The following LARGE1 variants were observed in gnomAD, a reference collection of about 807,000 sequenced individuals.
LARGE1 encodes LARGE xylosyl- and glucuronyltransferase 1, also known as xylosyl- and glucuronyltransferase LARGE1.
A neutral mutation model predicts 87.6 loss-of-function variants in LARGE1; 43 were observed. The ratio of observed to expected loss-of-function variants is 0.49; its 90% CI spans 0.38 to 0.63. The LOEUF is 0.63. Among genes scored for constraint, LARGE1 ranks in the 30% least tolerant of loss-of-function variants. The pLI, the probability that LARGE1 is intolerant of heterozygous loss-of-function variation, is 0.00. For synonymous variants in LARGE1, 434 were observed against 394.6 expected, an observed-to-expected ratio of 1.10 and a Z score of -1.18; for missense variants, 802 against 1,000.2, an observed-to-expected ratio of 0.80 and a Z score of 2.67.
chr22:33,466,313 CTT>C (rs1392379243), intron 6 of LARGE1, among the ~76,000 whole-genome samples: 1 of 151,968 alleles, frequency 6.6e-6, no homozygotes, highest in Non-Finnish European at 1.5e-5. Flanking sequence ...CTTGTTCTCT[CTT>C]TCTTTGTTGC....
intron 3 of LARGE1, among the ~76,000 whole-genome samples, chr22:33,643,901 G>A (rs1242269563): frequency 6.6e-6 from 1 of 152,146 alleles, no homozygotes; most frequent in Admixed American, 6.5e-5. Flanking sequence ...AACAAGTTCT[G>A]AAATTGAGGC....
At chr22:33,687,686 G>A (rs1244200206) in intron 2 of LARGE1, among the ~76,000 whole-genome samples, 4 of 152,122 alleles carry the variant, frequency 2.6e-5, no homozygotes, top group Non-Finnish European at 5.9e-5. Flanking sequence ...GGGAAAGTGT[G>A]GAGAGATGGG....
chr22:33,815,950 C>G (rs1164793522), intron 1 of LARGE1, among the ~76,000 whole-genome samples: 1 of 152,178 alleles, frequency 6.6e-6, no homozygotes, highest in Non-Finnish European at 1.5e-5. Context: ...AGACTATCAA[C>G]TGTTCATCAC....
intron 6 of LARGE1, among the ~76,000 whole-genome samples, chr22:33,533,740 C>T (rs879730646): frequency 4.6e-5 from 7 of 152,152 alleles, no homozygotes; most frequent in Admixed American, 3.9e-4. Flanking sequence ...ATTTTTGACC[C>T]ATTTTTAAAA....
chr22:33,735,567 G>A (rs1427438355), intron 2 of LARGE1, among the ~76,000 whole-genome samples: 1 of 152,092 alleles, frequency 6.6e-6, no homozygotes, highest in African/African-American at 2.4e-5. Flanking sequence ...TGAAAGAACT[G>A]GTGAATGAAG....
intron 2 of LARGE1, among the ~76,000 whole-genome samples, chr22:33,694,366 G>A (rs1186622513): frequency 6.6e-6 from 1 of 152,174 alleles, no homozygotes; most frequent in Non-Finnish European, 1.5e-5. Context: ...TGACAGCAAT[G>A]GTCCCTGTCA....
chr22:33,854,795 C>T (rs2146535659), intron 1 of LARGE1, among the ~76,000 whole-genome samples: 1 of 152,222 alleles, frequency 6.6e-6, no homozygotes, highest in Admixed American at 6.5e-5. Context: ...GCTGTTGAAA[C>T]AGTTATTCAT....
intron 2 of LARGE1, among the ~76,000 whole-genome samples, chr22:33,652,359 TA>T (rs143972711): frequency 6.7e-6 from 1 of 149,964 alleles, no homozygotes; most frequent in Non-Finnish European, 1.5e-5. Context: ...GAGCTAACAT[TA>T]AAAAAAAACA....
intron 9 of LARGE1, among the ~76,000 whole-genome samples, chr22:33,381,273 T>A (rs5998901): frequency 6.6e-6 from 1 of 152,154 alleles, no homozygotes; most frequent in South Asian, 2.1e-4. Flanking sequence ...ACTATCAGAA[T>A]AGCTTGTTAT....
intron 2 of LARGE1, among the ~76,000 whole-genome samples, chr22:33,667,434 C>T (rs186767106): frequency 2.4e-4 from 36 of 152,348 alleles, no homozygotes; most frequent in Admixed American, 2.3e-3. Flanking sequence ...AAAGCCATTA[C>T]TCCCAGGAGA....
intron 2 of LARGE1, among the ~76,000 whole-genome samples, chr22:33,751,808 C>T (rs1397898313): frequency 6.6e-6 from 1 of 151,562 alleles, no homozygotes; most frequent in Non-Finnish European, 1.5e-5. Flanking sequence ...TGCTCTGTTG[C>T]CCAGTCTGGA....
At chr22:33,191,397 G>T (rs189831681) in intron 11 of LARGE1, among the ~76,000 whole-genome samples, 3 of 152,326 alleles carry the variant, frequency 2.0e-5, no homozygotes, top group Non-Finnish European at 4.4e-5. Flanking sequence ...CAGAATCTCT[G>T]GAGCGGTGCG....
At chr22:33,770,518 T>TA (rs1421010000) in intron 1 of LARGE1, among the ~76,000 whole-genome samples, 1 of 151,648 alleles carries the variant, frequency 6.6e-6, no homozygotes, top group Non-Finnish European at 1.5e-5. Context: ...CTACCAACTC[T>TA]AAAAAAATGT....
chr22:33,379,295 G>A (rs1372152820), intron 9 of LARGE1, among the ~76,000 whole-genome samples: 1 of 148,260 alleles, frequency 6.7e-6, no homozygotes, highest in Non-Finnish European at 1.5e-5. Context: ...TTAAGTTCTA[G>A]GGTACATGTG....
At chr22:33,399,485 C>T (rs932119968) in intron 7 of LARGE1, among the ~76,000 whole-genome samples, 1 of 152,166 alleles carries the variant, frequency 6.6e-6, no homozygotes, top group Non-Finnish European at 1.5e-5. Flanking sequence ...ATTTGTAATC[C>T]TTTGGGTATA....
At chr22:33,877,095 G>A (rs143221087) in intron 1 of LARGE1, among the ~76,000 whole-genome samples, 92 of 152,166 alleles carry the variant, frequency 6.0e-4, no homozygotes, top group African/African-American at 2.1e-3. Flanking sequence ...TCTGCCTTCC[G>A]CAAGTATTTA....
intron 1 of LARGE1, among the ~76,000 whole-genome samples, chr22:33,888,052 T>A (rs530240834): frequency 6.6e-6 from 1 of 152,284 alleles, no homozygotes; most frequent in East Asian, 1.9e-4. Flanking sequence ...TCCTTCCCAA[T>A]GTGGACAACA....
At chr22:33,126,992 C>T in the LARGE1 span, among the ~76,000 whole-genome samples, 4 of 152,214 alleles carry the variant, frequency 2.6e-5, no homozygotes, top group African/African-American at 9.7e-5. Flanking sequence ...TCTCTCTTCT[C>T]CTTCTTTGCA....
downstream of LARGE1, among the ~76,000 whole-genome samples, chr22:33,269,236 T>C (rs559295410): frequency 6.6e-6 from 1 of 152,348 alleles, no homozygotes; most frequent in South Asian, 2.1e-4. Flanking sequence ...AAGTTATTTG[T>C]ATTATCCTTG....
Sources: allele counts gnomAD v4.1 joint callset (sites outside exome capture counted in the v4.1 genomes callset), GRCh38; gene constraint gnomAD v4.1.1; transcripts MANE v1.5; gene names NCBI Gene and HGNC (gene_info 2026-07-23, HGNC 2026-07-21).